The following CSMD1 variants were observed in gnomAD, a reference collection of about 807,000 sequenced individuals.
The protein encoded by CSMD1 is CUB and Sushi multiple domains 1, also known as CUB and sushi domain-containing protein 1.
A neutral mutation model predicts 417.5 loss-of-function variants in CSMD1; 213 were observed. The ratio of observed to expected loss-of-function variants is 0.51; its 90% confidence interval spans 0.46 to 0.57. The LOEUF is 0.57. CSMD1 is among the 20% of genes least tolerant of loss of function. The probability of loss-of-function intolerance (pLI) is 0.00; values close to 1 mark genes in which losing one functional copy is unlikely to be tolerated. For synonymous variants in CSMD1, 2,862 were observed against 1,736.8 expected (o/e 1.65, Z -16.11); for missense variants, 6,923 against 4,529.7 (o/e 1.53, Z -15.17).
intron 2 of CSMD1, among the ~76,000 whole-genome samples, chr8:4,431,159 G>T (rs1797849749): frequency 6.6e-6 from 1 of 152,016 alleles, no homozygotes; most frequent in Admixed American, 6.6e-5. Context: ...TTTGCTCAAA[G>T]GCAAGGGAGG....
chr8:4,392,322 G>A (rs566112102), intron 3 of CSMD1, among the ~76,000 whole-genome samples: 1 of 152,070 alleles, frequency 6.6e-6, no homozygotes. Context: ...TTTACCATGG[G>A]GACCACGGAT....
intron 5 of CSMD1, among the ~76,000 whole-genome samples, chr8:3,766,205 A>C (rs1798259593): frequency 6.6e-6 from 1 of 152,176 alleles, no homozygotes; most frequent in African/African-American, 2.4e-5. Context: ...TGAGGCCAGC[A>C]CAGTGGTGCG....
intron 1 of CSMD1, among the ~76,000 whole-genome samples, chr8:4,742,337 A>C (rs1227884277): frequency 6.6e-6 from 1 of 151,852 alleles, no homozygotes; most frequent in Non-Finnish European, 1.5e-5. Flanking sequence ...ACCAAGGCTG[A>C]ATTTTGAGAA....
At chr8:3,528,400 C>T (rs991666943) in intron 10 of CSMD1, among the ~76,000 whole-genome samples, 6 of 152,110 alleles carry the variant, frequency 3.9e-5, no homozygotes, top group East Asian at 1.9e-4. Flanking sequence ...TCTTAGCACT[C>T]GTGGGGGAAG....
intron 23 of CSMD1, among the ~76,000 whole-genome samples, chr8:3,308,732 G>GTGTTTTTTTTTTT (rs1805090018): frequency 4.6e-5 from 5 of 108,952 alleles, no homozygotes; most frequent in African/African-American, 1.4e-4. Context: ...CTACTTACAA[G>GTGTTTTTTTTTTT]TTTTTTTTTT....
At chr8:3,930,861 C>G (rs772676199) in intron 5 of CSMD1, among the ~76,000 whole-genome samples, 1 of 150,738 alleles carries the variant, frequency 6.6e-6, no homozygotes, top group African/African-American at 2.4e-5. Flanking sequence ...TAATAGTTAA[C>G]TTACATTTTA....
intron 2 of CSMD1, among the ~76,000 whole-genome samples, chr8:4,573,554 G>A (rs1798989673): frequency 6.6e-6 from 1 of 152,156 alleles, no homozygotes; most frequent in Non-Finnish European, 1.5e-5. Context: ...TGAGATGTCT[G>A]TTGATCCCTG....
chr8:4,637,882 G>C, intron 1 of CSMD1, among the ~76,000 whole-genome samples: 1 of 151,786 alleles, frequency 6.6e-6, no homozygotes, highest in Admixed American at 6.6e-5. Flanking sequence ...TTGTTAGCCA[G>C]GATGGTCTCG....
At chr8:4,966,310 C>T (rs942990863) in intron 1 of CSMD1, among the ~76,000 whole-genome samples, 3 of 151,712 alleles carry the variant, frequency 2.0e-5, no homozygotes, top group Admixed American at 6.6e-5. Flanking sequence ...ACCCAGGAGA[C>T]GAAGGTTGCA....
chr8:3,609,681 C>T (rs3102100), intron 8 of CSMD1, among the ~76,000 whole-genome samples: 109,688 of 150,918 alleles, frequency 0.73, 40,316 homozygotes, highest in Middle Eastern at 0.83. Flanking sequence ...CGCATCTTGG[C>T]CTTGTTGGTT....
At chr8:4,955,813 C>A (rs1198507423) in intron 1 of CSMD1, among the ~76,000 whole-genome samples, 1 of 111,480 alleles carries the variant, frequency 9.0e-6, no homozygotes, top group African/African-American at 3.0e-5. Flanking sequence ...AATTGGCCAA[C>A]ATGGGAATAT....
chr8:3,522,965 A>C (rs1008268045), intron 10 of CSMD1, among the ~76,000 whole-genome samples: 5 of 150,794 alleles, frequency 3.3e-5, no homozygotes, highest in Admixed American at 6.6e-5. Context: ...CTGTCTACTC[A>C]TTTATCTATT....
chr8:4,564,351 G>GA (rs1375505333), intron 2 of CSMD1, among the ~76,000 whole-genome samples: 1 of 152,116 alleles, frequency 6.6e-6, no homozygotes, highest in Non-Finnish European at 1.5e-5. Context: ...GCTGCTATAA[G>GA]AAAAATAACA....
At position 3,147,552 on chromosome 8, in the gene CSMD1, G is replaced by C. The variant is rs1171164759; in HGVS notation, c.6031+3845C>G. On this transcript the variant is annotated intron_variant, in intron 40 of 69. Coordinates refer to ENST00000635120, the MANE Select transcript of CSMD1 (RefSeq NM_033225.6). The stretch of plus-strand genomic sequence containing the variant: ...GGGCACTGAGTCAGAATTTAGGAAA[G>C]AGACCACGGGAAGCTACATTGTAAC... 2.6e-5 allele frequency among the ~76,000 whole-genome samples: 4 copies of C among 152,192 alleles called. No individual in the cohort carries two copies. The East Asian group carries it at 7.7e-4, about 29-fold the overall frequency.
intron 2 of CSMD1, among the ~76,000 whole-genome samples, chr8:4,521,115 G>A (rs1258470052): frequency 1.3e-5 from 2 of 152,038 alleles, no homozygotes; most frequent in South Asian, 2.1e-4. Context: ...CCCTACAACT[G>A]TTTCTTCAAA....
intron 1 of CSMD1, among the ~76,000 whole-genome samples, chr8:4,815,123 A>T (rs1461529064): frequency 6.6e-6 from 1 of 152,166 alleles, no homozygotes; most frequent in Non-Finnish European, 1.5e-5. Context: ...TCAATCAATG[A>T]CATCTAGGTC....
At chr8:4,322,460 T>C (rs1451743409) in intron 3 of CSMD1, among the ~76,000 whole-genome samples, 1 of 152,120 alleles carries the variant, frequency 6.6e-6, no homozygotes, top group Non-Finnish European at 1.5e-5. Context: ...GAAAAACCCA[T>C]AGCTCTTAGG....
intron 5 of CSMD1, among the ~76,000 whole-genome samples, chr8:3,830,098 C>T (rs1458237875): frequency 6.6e-6 from 1 of 152,166 alleles, no homozygotes; most frequent in East Asian, 1.9e-4. Context: ...TGCCCGTTTT[C>T]TTGACCCTAA....
At chr8:3,303,016 G>C (rs992179749) in intron 25 of CSMD1, among the ~76,000 whole-genome samples, 2 of 152,188 alleles carry the variant, frequency 1.3e-5, no homozygotes, top group Non-Finnish European at 2.9e-5. Context: ...CATAGGCATA[G>C]GGAAAAACTG....
Sources: allele counts gnomAD v4.1 joint callset (sites outside exome capture counted in the v4.1 genomes callset), GRCh38; gene constraint gnomAD v4.1.1; transcripts MANE v1.5; gene names NCBI Gene and HGNC (gene_info 2026-07-23, HGNC 2026-07-21).